The following UBE2F variants were observed in gnomAD, a reference collection of about 807,000 sequenced individuals.
The protein encoded by UBE2F is NEDD8-conjugating enzyme UBE2F.
In UBE2F, 5 loss-of-function variants were observed where a neutral mutation model predicts 29.6. The ratio of observed to expected loss-of-function variants is 0.17; its 90% CI spans 0.09 to 0.36. UBE2F has a LOEUF of 0.36. Among genes scored for constraint, UBE2F ranks in the 10% least tolerant of loss-of-function variants. UBE2F has a pLI of 1.00. For missense variants in UBE2F, 141 were observed against 228.5 expected, an observed-to-expected ratio of 0.62 and a Z score of 2.47; for synonymous variants, 66 against 81.8, an observed-to-expected ratio of 0.81 and a Z score of 1.04.
intron 7 of UBE2F, among the ~76,000 whole-genome samples, chr2:238,030,853 T>A (rs1478553538): frequency 6.6e-6 from 1 of 152,184 alleles, no homozygotes; most frequent in African/African-American, 2.4e-5. Flanking sequence ...GAACCAGAGA[T>A]AGGAGCCCAA....
intron 5 of UBE2F, among the ~76,000 whole-genome samples, chr2:238,017,629 C>T (rs1280775976): frequency 6.6e-6 from 1 of 152,166 alleles, no homozygotes; most frequent in Non-Finnish European, 1.5e-5. Flanking sequence ...TGTGATGTGT[C>T]TCGGCCCAAA....
chr2:238,023,529 A>G (rs1214352939), intron 5 of UBE2F, among the ~76,000 whole-genome samples: 1 of 152,240 alleles, frequency 6.6e-6, no homozygotes. Context: ...TTTACTAGAA[A>G]GTTAAAGAGG....
rs1019646513 is a variant in UBE2F, at chr2:237,982,576, G to C, written c.119-5387G>C. On this transcript the variant is annotated intron_variant, in intron 2 of 9. Coordinates refer to ENST00000272930, the MANE Select transcript of UBE2F (RefSeq NM_080678.3). The surrounding 1 kb of genome is among the most constrained non-coding windows in gnomAD (Gnocchi z 4.1). Reference sequence around the variant, plus strand: ...TGAGGTGGCTTGGGCCACTGCCAGAGTCATGCCAGGGAAAGCTGGATTCCA... The same window carrying C: ...TGAGGTGGCTTGGGCCACTGCCAGACTCATGCCAGGGAAAGCTGGATTCCA... 2.6e-5 allele frequency among the ~76,000 whole-genome samples: 4 copies of C among 152,204 alleles called. No individual in the cohort carries two copies. Among genetic ancestry groups the C allele is most frequent in the Non-Finnish European group, 4.4e-5 (3 of 68,034 alleles).
At position 237,967,112 on chromosome 2, in the gene UBE2F, C is replaced by G. The variant is rs1576580594; in HGVS notation, c.-37C>G. ...ATGGTGTTGGGCGCCGGGCCCGCCTCGCCTGTCTCGGGGAGCCCAGGTGAG... is the reference window on the plus strand; with the variant it reads ...ATGGTGTTGGGCGCCGGGCCCGCCTGGCCTGTCTCGGGGAGCCCAGGTGAG... On this transcript the variant is annotated 5_prime_UTR_variant, in exon 1 of 10. Coordinates refer to ENST00000272930, the MANE Select transcript of UBE2F (RefSeq NM_080678.3). The surrounding 1 kb of genome is among the most constrained non-coding windows in gnomAD (Gnocchi z 6.3). 2.2e-6 allele frequency: 3 copies of G among 1,340,752 alleles called. No homozygotes were observed. Among genetic ancestry groups the G allele is most frequent in the East Asian group, 3.2e-5 (1 of 31,018 alleles). 83.1% of individuals were successfully genotyped at this position (1,340,752 alleles called of 1,614,324 possible). A position where few individuals can be genotyped will look rare whatever the true frequency, so the allele number is the denominator to read the frequency against.
chr2:238,003,847 A>G (rs921192598), intron 4 of UBE2F, among the ~76,000 whole-genome samples: 14 of 152,260 alleles, frequency 9.2e-5, no homozygotes, highest in African/African-American at 3.4e-4. Flanking sequence ...CACTCACATA[A>G]CCACCACTGC....
intron 2 of UBE2F, among the ~76,000 whole-genome samples, chr2:237,977,583 T>TG (rs970208553): frequency 6.6e-6 from 1 of 152,172 alleles, no homozygotes; most frequent in Non-Finnish European, 1.5e-5. Context: ...TAGCTTGCTT[T>TG]GTGGGTGGCT....
In UBE2F at chr2:237,991,629, G is replaced by A. The variant is rs1349423649; in HGVS notation, c.149-3115G>A. ...TCTTTCTTTTTTTTTTTTTGAGACA[G>A]TCTTGCTCTGTCACCCAGGCTGGAA... On this transcript the variant is annotated intron_variant, in intron 3 of 9. Transcript: ENST00000272930. Among the ~76,000 whole-genome samples the A allele has an allele frequency of 1.9e-3, 22 of 11,406 alleles. No homozygotes were observed. In the South Asian group the frequency reaches 0.026, roughly 14 times the overall value. 7.5% of individuals were successfully genotyped at this position (11,406 alleles called of 152,430 possible). A position where few individuals can be genotyped will look rare whatever the true frequency, so the allele number is the denominator to read the frequency against.
At chr2:237,974,160 A>ATT (rs375237774) in intron 2 of UBE2F, among the ~76,000 whole-genome samples, 133 of 137,574 alleles carry the variant, frequency 9.7e-4, no homozygotes, top group East Asian at 1.9e-3. Context: ...CGCCCAGCTC[A>ATT]TTTTTTTTTT....
At position 238,032,240 on chromosome 2, in the gene UBE2F, A is replaced by G. The variant is rs777084874; in HGVS notation, c.430A>G (p.Asn144Asp). Residue 144 changes from asparagine (N) to aspartate (D), a missense_variant, in exon 8 of 10, where the codon AAC becomes GAC. Coordinates refer to ENST00000272930, the MANE Select transcript of UBE2F (RefSeq NM_080678.3). ...RTLKDVVWGLNSLFTDLLNFD... is the reference protein window; with the variant it reads ...RTLKDVVWGLDSLFTDLLNFD... ...ATTTCAGGATGTCGTTTGGGGATTA[A>G]ACTCTTTGTTTACTGTAAGTACAGT... is the stretch of plus-strand genomic sequence containing the variant. 4 of 1,613,328 alleles carry G rather than the reference A, an allele frequency of 2.5e-6. No individual in the cohort carries two copies. The highest frequency in any genetic ancestry group is 3.4e-6 in the Non-Finnish European group (4 of 1,179,468).
chr2:238,025,716 A>G (rs1487971504), intron 6 of UBE2F, among the ~76,000 whole-genome samples: 1 of 152,146 alleles, frequency 6.6e-6, no homozygotes, highest in African/African-American at 2.4e-5. Flanking sequence ...TCCTATTTAC[A>G]TGAGAGACCA....
At chr2:238,001,829 CA>C in intron 4 of UBE2F, among the ~76,000 whole-genome samples, 1 of 151,870 alleles carries the variant, frequency 6.6e-6, no homozygotes, top group East Asian at 1.9e-4. Flanking sequence ...CAACAAAAAA[CA>C]AAAAACAAAA....
intron 5 of UBE2F, among the ~76,000 whole-genome samples, chr2:238,020,221 C>G (rs1425362831): frequency 6.6e-6 from 1 of 152,200 alleles, no homozygotes; most frequent in Non-Finnish European, 1.5e-5. Flanking sequence ...CACACTATTT[C>G]CGGTGTGTAG....
chr2:237,996,044 G>A (rs993418009), intron 4 of UBE2F, among the ~76,000 whole-genome samples: 3 of 152,182 alleles, frequency 2.0e-5, no homozygotes, highest in Non-Finnish European at 4.4e-5. Flanking sequence ...GCTTTAAACT[G>A]TGAAATGATG....
intron 6 of UBE2F, chr2:238,028,904 A>T (rs1010096848): frequency 2.7e-5 from 3 of 110,936 alleles, no homozygotes; most frequent in East Asian, 2.9e-4. Flanking sequence ...CTCCAGAAGG[A>T]AGCTTGGCAA....
chr2:237,980,345 G>A (rs755404016), intron 2 of UBE2F, among the ~76,000 whole-genome samples: 3 of 152,238 alleles, frequency 2.0e-5, no homozygotes, highest in Non-Finnish European at 4.4e-5. Context: ...TTCCCTTCTG[G>A]AGGCTGGAAG....
intron 2 of UBE2F, among the ~76,000 whole-genome samples, chr2:237,984,996 C>CAAAA (rs55984976): frequency 1.5e-5 from 2 of 129,980 alleles, no homozygotes; most frequent in Non-Finnish European, 3.4e-5. Flanking sequence ...TGGAAAAAGG[C>CAAAA]AAAAAAAAAA....
intron 6 of UBE2F, among the ~76,000 whole-genome samples, chr2:238,028,013 C>T (rs2064474462): frequency 6.6e-6 from 1 of 152,254 alleles, no homozygotes; most frequent in South Asian, 2.1e-4. Flanking sequence ...CTCCTAGAGT[C>T]CAAGCTTCTA....
chr2:237,984,293 A>G (rs1424363363), intron 2 of UBE2F, among the ~76,000 whole-genome samples: 1 of 152,128 alleles, frequency 6.6e-6, no homozygotes, highest in Non-Finnish European at 1.5e-5. Context: ...TGCCCTTTCT[A>G]AGATTGTCCT....
intron 4 of UBE2F, among the ~76,000 whole-genome samples, chr2:237,995,583 A>T (rs1372893860): frequency 6.6e-6 from 1 of 152,180 alleles, no homozygotes; most frequent in East Asian, 1.9e-4. Context: ...AAAGGTAGTG[A>T]GAAACTGAGA....
Sources: gnomAD v4.1 joint callset for allele counts (sites outside exome capture counted in the v4.1 genomes callset) on GRCh38, gnomAD v4.1.1 for gene constraint, Gnocchi (gnomAD v3.1) non-coding constraint, MANE v1.5 for transcripts, NCBI Gene and HGNC (gene_info 2026-07-23, HGNC 2026-07-21) for gene names.